The following SORCS3 variants were observed in gnomAD, a reference collection of about 807,000 sequenced individuals.
SORCS3 encodes the protein sortilin related VPS10 domain containing receptor 3, also known as VPS10 domain-containing receptor SorCS3.
In SORCS3, 57 loss-of-function variants were observed where a neutral mutation model predicts 146.3. The ratio of observed to expected loss-of-function variants is 0.39; its 90% CI spans 0.31 to 0.49. SORCS3 has a LOEUF of 0.49. Among genes scored for constraint, SORCS3 ranks in the 20% least tolerant of loss-of-function variants. The probability of loss-of-function intolerance (pLI) is 0.92; values close to 1 mark genes in which losing one functional copy is unlikely to be tolerated. For missense variants in SORCS3, 1,341 were observed against 1,575.5 expected (o/e 0.85, Z 2.52); for synonymous variants, 653 against 618.5 (o/e 1.06, Z -0.83).
intron 1 of SORCS3, among the ~76,000 whole-genome samples, chr10:104,682,659 T>C (rs1439552566): frequency 2.0e-5 from 3 of 151,960 alleles, no homozygotes; most frequent in African/African-American, 7.3e-5. Context: ...CTGGAAGAGG[T>C]TGGGGGCTGC....
chr10:104,971,111 C>A, intron 3 of SORCS3, among the ~76,000 whole-genome samples: 1 of 152,158 alleles, frequency 6.6e-6, no homozygotes, highest in Middle Eastern at 3.2e-3. Flanking sequence ...AACAGGGGTG[C>A]AGCTTTTGCT....
intron 1 of SORCS3, among the ~76,000 whole-genome samples, chr10:104,765,119 G>A (rs2017164504): frequency 6.6e-6 from 1 of 152,146 alleles, no homozygotes; most frequent in South Asian, 2.1e-4. Flanking sequence ...CTGTGGGAGT[G>A]CCCTATATTT....
At chr10:105,024,331 T>C (rs1589598877) in intron 4 of SORCS3, among the ~76,000 whole-genome samples, 1 of 152,224 alleles carries the variant, frequency 6.6e-6, no homozygotes, top group South Asian at 2.1e-4. Context: ...TTTGTTCTCA[T>C]GTCCATTAAA....
At chr10:105,001,874 A>T (rs926334960) in intron 4 of SORCS3, among the ~76,000 whole-genome samples, 5 of 152,202 alleles carry the variant, frequency 3.3e-5, no homozygotes, top group African/African-American at 1.2e-4. Context: ...AGAGGAAACT[A>T]GGGTTTTAGA....
intron 3 of SORCS3, among the ~76,000 whole-genome samples, chr10:104,974,118 A>G (rs1297012232): frequency 6.6e-6 from 1 of 152,088 alleles, no homozygotes; most frequent in African/African-American, 2.4e-5. Flanking sequence ...ACTTCCCACT[A>G]TGTGGTCAAT....
intron 20 of SORCS3, among the ~76,000 whole-genome samples, chr10:105,234,112 CT>C (rs2056779737): frequency 6.6e-6 from 1 of 152,034 alleles, no homozygotes; most frequent in Admixed American, 6.5e-5. Context: ...ACATTCTTTT[CT>C]TCTTCACTTT....
At chr10:104,769,761 C>T (rs2017225433) in intron 1 of SORCS3, among the ~76,000 whole-genome samples, 1 of 152,080 alleles carries the variant, frequency 6.6e-6, no homozygotes, top group Admixed American at 6.6e-5. Flanking sequence ...TAAGTGTCCC[C>T]TCTCTGTGTG....
chr10:104,977,951 C>G (rs1039031947), intron 4 of SORCS3, among the ~76,000 whole-genome samples: 2 of 151,802 alleles, frequency 1.3e-5, no homozygotes, highest in African/African-American at 4.8e-5. Context: ...AGGATGGTCT[C>G]GATCTCTTAA....
At chr10:104,692,490 A>G (rs1162846500) in intron 1 of SORCS3, among the ~76,000 whole-genome samples, 1 of 152,198 alleles carries the variant, frequency 6.6e-6, no homozygotes, top group Non-Finnish European at 1.5e-5. Flanking sequence ...CTCTTGCACC[A>G]ACCTAATACT....
chr10:104,848,373 G>A (rs1312402222), intron 2 of SORCS3, among the ~76,000 whole-genome samples: 1 of 152,018 alleles, frequency 6.6e-6, no homozygotes, highest in Non-Finnish European at 1.5e-5. Flanking sequence ...TGAATTTTTT[G>A]TTTGCCAAGA....
intron 4 of SORCS3, among the ~76,000 whole-genome samples, chr10:105,020,295 T>A (rs1191251938): frequency 6.6e-6 from 1 of 152,242 alleles, no homozygotes; most frequent in Admixed American, 6.5e-5. Flanking sequence ...TCGTAAATAC[T>A]GACCACATAG....
chr10:104,820,276 A>G (rs1368925569), intron 1 of SORCS3, among the ~76,000 whole-genome samples: 1 of 152,212 alleles, frequency 6.6e-6, no homozygotes, highest in Non-Finnish European at 1.5e-5. Flanking sequence ...TGGGAACAAT[A>G]GTAATCATAG....
chr10:105,253,585 C>T (rs2056913369), intron 23 of SORCS3, among the ~76,000 whole-genome samples: 1 of 152,122 alleles, frequency 6.6e-6, no homozygotes, highest in East Asian at 1.9e-4. Context: ...ACTGTTTCAC[C>T]CTTCCTTTCT....
chr10:104,878,073 C>T (rs2018594571), intron 2 of SORCS3, among the ~76,000 whole-genome samples: 1 of 152,010 alleles, frequency 6.6e-6, no homozygotes, highest in African/African-American at 2.4e-5. Flanking sequence ...TCTTCAATTG[C>T]ATTTGTTTAT....
intron 22 of SORCS3, among the ~76,000 whole-genome samples, chr10:105,248,167 T>C (rs1224224970): frequency 6.6e-6 from 1 of 152,176 alleles, no homozygotes; most frequent in Non-Finnish European, 1.5e-5. Context: ...CACTAGAATA[T>C]ATTGATGAAT....
intron 4 of SORCS3, among the ~76,000 whole-genome samples, chr10:104,978,439 T>A (rs61392740): frequency 0.015 from 2,359 of 152,300 alleles, 54 homozygotes; most frequent in African/African-American, 0.054. Flanking sequence ...CTTGTATGCC[T>A]CAAAACCTCT....
At chr10:104,698,352 A>G (rs746999502) in intron 1 of SORCS3, among the ~76,000 whole-genome samples, 64 of 152,300 alleles carry the variant, frequency 4.2e-4, no homozygotes, top group Admixed American at 5.9e-4. Context: ...TAACAACTCA[A>G]TGGACATGTC....
At chr10:105,180,560 A>G (rs1278743129) in intron 14 of SORCS3, among the ~76,000 whole-genome samples, 1 of 152,182 alleles carries the variant, frequency 6.6e-6, no homozygotes, top group Non-Finnish European at 1.5e-5. Flanking sequence ...CTGTATCCAG[A>G]GTGATATTTT....
chr10:105,024,828 A>G (rs1360838310), intron 4 of SORCS3, among the ~76,000 whole-genome samples: 1 of 152,088 alleles, frequency 6.6e-6, no homozygotes, highest in Non-Finnish European at 1.5e-5. Flanking sequence ...TGAAGCTTTC[A>G]GACCGAACGT....
Sources: gnomAD v4.1 joint callset for allele counts (sites outside exome capture counted in the v4.1 genomes callset) on GRCh38, gnomAD v4.1.1 for gene constraint, MANE v1.5 for transcripts, NCBI Gene and HGNC (gene_info 2026-07-23, HGNC 2026-07-21) for gene names.